The following GALNT13 variants were observed in gnomAD, a reference collection of about 807,000 sequenced individuals.
GALNT13 encodes the protein polypeptide N-acetylgalactosaminyltransferase 13.
A neutral mutation model predicts 64.2 loss-of-function variants in GALNT13; 28 were observed. The observed-to-expected ratio is 0.44, with a 90% CI of 0.32 to 0.60. GALNT13 has a LOEUF of 0.60. GALNT13 is among the 20% of genes least tolerant of loss of function. The probability of loss-of-function intolerance (pLI) is 0.05; values close to 1 mark genes in which losing one functional copy is unlikely to be tolerated. For missense variants in GALNT13, 577 were observed against 669.8 expected, an observed-to-expected ratio of 0.86 and a Z score of 1.53; for synonymous variants, 214 against 224.6, an observed-to-expected ratio of 0.95 and a Z score of 0.42.
intron 9 of GALNT13, among the ~76,000 whole-genome samples, chr2:154,344,162 C>T (rs1187397935): frequency 1.3e-5 from 2 of 152,062 alleles, no homozygotes; most frequent in Admixed American, 6.6e-5. Context: ...CTAGAATTTT[C>T]TGCTTTTAAA....
chr2:153,164,017 CA>C, the GALNT13 span, among the ~76,000 whole-genome samples: 39,227 of 102,550 alleles, frequency 0.38, 5,265 homozygotes, highest in African/African-American at 0.43. Flanking sequence ...GGCTCCGTCT[CA>C]AAAAAAAAAA....
the GALNT13 span, chr2:153,187,634 C>T: frequency 3.9e-5 from 6 of 151,980 alleles, no homozygotes; most frequent in Admixed American, 1.3e-4. Context: ...GTTGATGTCT[C>T]CCACATATAT....
chr2:153,579,819 C>T, the GALNT13 span, among the ~76,000 whole-genome samples: 6 of 152,074 alleles, frequency 3.9e-5, no homozygotes, highest in Non-Finnish European at 7.4e-5. Flanking sequence ...CTAGGTTGTG[C>T]GTGCCTTATG....
At chr2:154,206,029 G>A (rs1687426916) in intron 4 of GALNT13, among the ~76,000 whole-genome samples, 1 of 151,594 alleles carries the variant, frequency 6.6e-6, no homozygotes, top group Admixed American at 6.6e-5. Flanking sequence ...ATAGAGTCTG[G>A]CTCTGTCACC....
the GALNT13 span, among the ~76,000 whole-genome samples, chr2:153,344,508 T>C: frequency 6.6e-6 from 1 of 152,232 alleles, no homozygotes; most frequent in Non-Finnish European, 1.5e-5. Context: ...TGTTGTTTTT[T>C]TGAGACGGAG....
At chr2:154,181,933 G>A (rs1376279347) in intron 4 of GALNT13, among the ~76,000 whole-genome samples, 6 of 150,598 alleles carry the variant, frequency 4.0e-5, no homozygotes, top group Admixed American at 6.6e-5. Context: ...TATGTTATTG[G>A]TTATCATTTG....
chr2:153,094,200 C>CT, the GALNT13 span, among the ~76,000 whole-genome samples: 1 of 151,736 alleles, frequency 6.6e-6, no homozygotes, highest in African/African-American at 2.4e-5. Flanking sequence ...TTGGTTTTCC[C>CT]TTTTTTCATT....
chr2:154,143,694 C>T (rs1380372938), intron 4 of GALNT13, among the ~76,000 whole-genome samples: 1 of 151,446 alleles, frequency 6.6e-6, no homozygotes, highest in African/African-American at 2.4e-5. Flanking sequence ...AACCCCGTCT[C>T]TACTACAAAT....
At chr2:153,320,095 G>T in the GALNT13 span, among the ~76,000 whole-genome samples, 8 of 152,142 alleles carry the variant, frequency 5.3e-5, no homozygotes, top group Non-Finnish European at 1.0e-4. Flanking sequence ...CAGATTTCAT[G>T]GCTGGGGCAC....
At chr2:153,676,059 A>G in the GALNT13 span, among the ~76,000 whole-genome samples, 1 of 152,136 alleles carries the variant, frequency 6.6e-6, no homozygotes, top group Non-Finnish European at 1.5e-5. Flanking sequence ...GCTTTAAAAG[A>G]TCAATGAAAT....
intron 4 of GALNT13, among the ~76,000 whole-genome samples, chr2:154,203,743 A>T (rs1238261851): frequency 6.6e-6 from 1 of 152,136 alleles, no homozygotes; most frequent in Non-Finnish European, 1.5e-5. Context: ...TTTCCACTAC[A>T]TGAAAGCCCT....
At chr2:154,323,583 C>A (rs1694733757) in intron 9 of GALNT13, among the ~76,000 whole-genome samples, 1 of 152,000 alleles carries the variant, frequency 6.6e-6, no homozygotes, top group East Asian at 1.9e-4. Context: ...TCTTACTACT[C>A]TTCTTTTTAT....
At chr2:153,237,760 C>A in the GALNT13 span, among the ~76,000 whole-genome samples, 1 of 151,954 alleles carries the variant, frequency 6.6e-6, no homozygotes, top group Non-Finnish European at 1.5e-5. Context: ...GATTCCAAAT[C>A]TTGGTTATTG....
At chr2:153,760,627 C>A in the GALNT13 span, among the ~76,000 whole-genome samples, 1 of 152,088 alleles carries the variant, frequency 6.6e-6, no homozygotes, top group Non-Finnish European at 1.5e-5. Context: ...TTTCTTCAAT[C>A]TGTTCAGACT....
chr2:153,111,391 G>C, the GALNT13 span, among the ~76,000 whole-genome samples: 4 of 151,896 alleles, frequency 2.6e-5, no homozygotes, highest in Admixed American at 2.0e-4. Context: ...GATTCCATAT[G>C]ATCTCATTCT....
the GALNT13 span, among the ~76,000 whole-genome samples, chr2:153,795,956 T>A: frequency 7.2e-5 from 11 of 152,226 alleles, no homozygotes; most frequent in Admixed American, 3.3e-4. Context: ...CTCTTTCCTC[T>A]GTTCTTGCGT....
intron 3 of GALNT13, among the ~76,000 whole-genome samples, chr2:154,076,048 A>C (rs1462586373): frequency 6.6e-6 from 1 of 151,692 alleles, no homozygotes; most frequent in Admixed American, 6.6e-5. Context: ...ATGCAACAAC[A>C]AAATTTTGTT....
Position 154,014,923 on chromosome 2 carries a change from C to T in GALNT13, c.142+70284C>T, listed in dbSNP as rs150954502. Among the ~76,000 whole-genome samples the T allele has an allele frequency of 5.4e-3, 829 of 152,220 alleles. 5 individuals are homozygous for T. The highest frequency in any genetic ancestry group is 0.019 in the African/African-American group (771 of 41,544). On this transcript the variant is annotated intron_variant, in intron 3 of 12. Transcript: ENST00000392825. ...TGGGATTTATAGGCGTGAGCCACCG[C>T]GCCCAGCCTCTGATAATTCTCTTTA...
the GALNT13 span, among the ~76,000 whole-genome samples, chr2:153,379,546 C>T: frequency 2.6e-5 from 4 of 152,126 alleles, no homozygotes; most frequent in Non-Finnish European, 4.4e-5. Flanking sequence ...GTGACAACAA[C>T]GTTTCATTTA....
Sources: gnomAD v4.1 joint callset for allele counts (sites outside exome capture counted in the v4.1 genomes callset) on GRCh38, gnomAD v4.1.1 for gene constraint, MANE v1.5 for transcripts, NCBI Gene and HGNC (gene_info 2026-07-23, HGNC 2026-07-21) for gene names.